Variants in ITGA10 observed in about 807,000 individuals in gnomAD.
ITGA10 encodes integrin alpha-10.
Under a neutral mutation model 145.2 loss-of-function variants are expected in ITGA10, and 105 were observed. The ratio of observed to expected loss-of-function variants is 0.72; its 90% CI spans 0.62 to 0.85. The LOEUF is 0.85. Ranked by LOEUF, ITGA10 falls within the 40% of genes least tolerant of loss-of-function variation. ITGA10 has a pLI of 0.00. For synonymous variants in ITGA10, 506 were observed against 557.8 expected (o/e 0.91, Z 1.31); for missense variants, 1,317 against 1,444.5 (o/e 0.91, Z 1.43).
At chr1:145,895,596 C>T (rs1553744631) in intron 26 of ITGA10, 35 bp downstream of exon 26, 1 of 1,601,888 alleles carries the variant, frequency 6.2e-7, no homozygotes, top group South Asian at 1.1e-5. Flanking sequence ...ACTCCACTTG[C>T]ATTCCCACTC....
intron 1 of ITGA10, among the ~76,000 whole-genome samples, chr1:145,909,181 T>G (rs587624956): frequency 1.0e-3 from 153 of 151,194 alleles, no homozygotes; most frequent in African/African-American, 3.5e-3. Flanking sequence ...ACGCCTATAG[T>G]CCCAGCTACT....
chr1:145,903,081 GCACTTCCCTGAGGT>G (rs2101809849), intron 7 of ITGA10, 120 bp from the exon 8 acceptor site: 1 of 945,070 alleles, frequency 1.1e-6, no homozygotes, highest in South Asian at 1.9e-5. Context: ...TTTAACATCA[GCACTTCCCTGAGGT>G]CAGGCATCTT....
rs1553743961 is a variant in ITGA10 at position 145,893,603 on chromosome 1, G to T, written c.3261C>A (p.Thr1087=). ...TGCCCTCTTCGGTTCCCAGCTCAAAGGTGCTGACCACCGTCAGGGACTTGA... is the reference window on the plus strand; with the variant it reads ...TGCCCTCTTCGGTTCCCAGCTCAAATGTGCTGACCACCGTCAGGGACTTGA... The part of the protein sequence containing the change: ...AKFKSLTVVS[T]FELGTEEGSV... The change falls in exon 28 of 30, where the codon ACC becomes ACA. Residue 1087 remains threonine, a synonymous_variant. Coordinates refer to ENST00000369304, the MANE Select transcript of ITGA10 (RefSeq NM_003637.5). 1.9e-6 allele frequency: 3 copies of T among 1,613,410 alleles called. No individual in the cohort carries two copies. The Middle Eastern group carries it at 4.9e-4, about 266-fold the overall frequency.
In ITGA10 at chr1:145,893,215, GC is replaced by G. The variant is rs1654933924; in HGVS notation, c.3383del (p.Gly1128AlafsTer47). On this transcript the variant is annotated frameshift_variant, in exon 29 of 30. Transcript: ENST00000369304. LOFTEE classifies it high-confidence loss of function. ...PILISLWILI[G>X]SVLGGLLLLA... ...GCAGGAGCAACCCTCCCAGGACACTGCCTATGAGGATCCACAGGGAGATGAG... is the reference window on the plus strand; with the variant it reads ...GCAGGAGCAACCCTCCCAGGACACTGCTATGAGGATCCACAGGGAGATGAG... 1 of 1,614,152 alleles carries G rather than the reference GC, an allele frequency of 6.2e-7. No individual in the cohort carries two copies. The highest frequency in any genetic ancestry group is 8.5e-7 in the Non-Finnish European group (1 of 1,180,014).
Position 145,902,881 on chromosome 1 carries a change from T to G in ITGA10, c.839A>C (p.His280Pro). 2.5e-6 allele frequency: 4 copies of G among 1,614,014 alleles called. No homozygotes were observed. The highest frequency in any genetic ancestry group is 3.4e-6 in the Non-Finnish European group (4 of 1,179,974). The change falls in exon 8 of 30, where the codon CAT (histidine) becomes CCT (proline). Residue 280 changes from histidine (H) to proline (P), a missense_variant. Physicochemically the swap from His to Pro is moderately conservative, Grantham distance 77. Coordinates refer to ENST00000369304, the MANE Select transcript of ITGA10 (RefSeq NM_003637.5). Reference protein sequence around the residue: ...LLVVVTDGESHDGEELPAALK... With the variant: ...LLVVVTDGESPDGEELPAALK... ...TGCTGCAGGAAGCTCCTCTCCATCATGGGACTCTCCATCAGTGACAACCAC... is the reference window on the plus strand; with the variant it reads ...TGCTGCAGGAAGCTCCTCTCCATCAGGGGACTCTCCATCAGTGACAACCAC...
chr1:145,904,856 G>A (rs782647490), intron 5 of ITGA10, 45 bp from the exon 6 acceptor site: 18 of 1,593,594 alleles, frequency 1.1e-5, no homozygotes, highest in African/African-American at 6.7e-5. Flanking sequence ...TGAGCTGGGG[G>A]CAACAAGGGA....
Position 145,901,965 on chromosome 1 carries a change from C to T in ITGA10, c.1206G>A (p.Trp402Ter). Residue 402 changes from tryptophan (W) to a stop codon, truncating the protein, a stop_gained, in exon 11 of 30, where the codon TGG becomes TGA. Coordinates refer to ENST00000369304, the MANE Select transcript of ITGA10 (RefSeq NM_003637.5). LOFTEE classifies it high-confidence loss of function. The surrounding 1 kb of genome is among the most constrained non-coding windows in gnomAD (Gnocchi z 4.3). ...GGAAAAGGCGGTGGCCTCCTTCAAG[C>T]CATAGCACAGAGCCTCCCCAGTCAT... ...GAYDWGGSVLWLEGGHRLFPP... is the reference protein window; with the variant it reads ...GAYDWGGSVL 1 of 1,614,148 alleles carries T rather than the reference C, an allele frequency of 6.2e-7. No individual in the cohort carries two copies. The highest frequency in any genetic ancestry group is 8.5e-7 in the Non-Finnish European group (1 of 1,180,030).
At chr1:145,897,369 G>A (rs34563485) in intron 20 of ITGA10, 30 bp from the exon 21 acceptor site, 1 of 1,611,448 alleles carries the variant, frequency 6.2e-7, no homozygotes, top group Admixed American at 1.7e-5. Context: ...GATAGAAGCT[G>A]GAGCTGGGGC....
At chr1:145,909,307 A>C (rs1324818589) in intron 1 of ITGA10, among the ~76,000 whole-genome samples, 2 of 151,212 alleles carry the variant, frequency 1.3e-5, no homozygotes, top group Non-Finnish European at 2.9e-5. Flanking sequence ...TTCAAAAAAA[A>C]AAATTAGCTG....
intron 28 of ITGA10, 114 bp downstream of exon 28, chr1:145,893,426 T>G: frequency 1.0e-6 from 1 of 962,164 alleles, no homozygotes. Context: ...AGTGGAACAC[T>G]AGGATCCTGC....
intron 6 of ITGA10, 107 bp from the exon 7 acceptor site, chr1:145,904,307 A>C: frequency 9.6e-7 from 1 of 1,037,148 alleles, no homozygotes; most frequent in Non-Finnish European, 1.5e-6. Context: ...ATACTACTGA[A>C]GACAACACCT....
At chr1:145,906,598 G>T in intron 4 of ITGA10, 90 bp from the exon 5 acceptor site, 3 of 1,308,620 alleles carry the variant, frequency 2.3e-6, no homozygotes, top group Non-Finnish European at 3.3e-6. Context: ...ACTACTCCCT[G>T]ACATTACCTA....
In ITGA10 at chr1:145,895,375, A is replaced by G; in HGVS notation, c.3133T>C (p.Cys1045Arg). Residue 1045 changes from cysteine (C) to arginine (R), a missense_variant, in exon 27 of 30, where the codon TGT becomes CGT. Cys to Arg is a radical substitution (Grantham distance 180, BLOSUM62 -3). Coordinates refer to ENST00000369304, the MANE Select transcript of ITGA10 (RefSeq NM_003637.5). ...CCAAGGTGGCACCTCACCACCTGACACTGAGTATTGCTCCCATTCTAACAG... is the reference window on the plus strand; with the variant it reads ...CCAAGGTGGCACCTCACCACCTGACGCTGAGTATTGCTCCCATTCTAACAG... ...TNRLNGSNTQCQVVRCHLGQL... is the reference protein window; with the variant it reads ...TNRLNGSNTQRQVVRCHLGQL... 1 of 1,613,656 alleles carries G rather than the reference A, an allele frequency of 6.2e-7. No individual in the cohort carries two copies. The highest frequency in any genetic ancestry group is 8.5e-7 in the Non-Finnish European group (1 of 1,179,582).
intron 28 of ITGA10, 89 bp from the exon 29 acceptor site, chr1:145,893,363 A>T (rs587656885): frequency 2.9e-6 from 3 of 1,049,060 alleles, no homozygotes; most frequent in East Asian, 4.8e-5. Flanking sequence ...CCCCAAATAG[A>T]ATAAATAACC....
intron 7 of ITGA10, 67 bp downstream of exon 7, chr1:145,903,985 G>C: frequency 6.3e-7 from 1 of 1,579,490 alleles, no homozygotes; most frequent in Non-Finnish European, 8.7e-7. Context: ...ACCATGCCTG[G>C]CCCCGCCCTA....
Position 145,909,494 on chromosome 1 carries a change from ATATAATT to A in ITGA10, c.52+462_52+468del, listed in dbSNP as rs1224844098. Among the ~76,000 whole-genome samples, 358 of 102,800 alleles carry A rather than the reference ATATAATT, an allele frequency of 3.5e-3. 6 individuals carry two copies. Among genetic ancestry groups the A allele is most frequent in the African/African-American group, 0.022 (342 of 15,368 alleles). 67.4% of individuals were successfully genotyped at this position (102,800 alleles called of 152,430 possible). ...ATATTATATGTATATTATATATAATATATAATTATGTTATATATTATATGTATATTAT... is the reference window on the plus strand; with the variant it reads ...ATATTATATGTATATTATATATAATAATGTTATATATTATATGTATATTAT... On this transcript the variant is annotated intron_variant, in intron 1 of 29. Transcript: ENST00000369304.
chr1:145,899,294 T>G lies in ITGA10; in HGVS notation c.1970A>C (p.Gln657Pro), dbSNP rs782730653. The G allele has an allele frequency of 7.4e-6, 12 of 1,614,186 alleles. No homozygotes were observed. The highest frequency in any genetic ancestry group is 8.5e-6 in the Non-Finnish European group (10 of 1,180,014). The change falls in exon 16 of 30, where the codon CAG becomes CCG. Residue 657 changes from glutamine to proline, a missense_variant. Physicochemically the swap from Gln to Pro is moderately conservative, Grantham distance 76 (BLOSUM62 -1). Transcript: ENST00000369304. ...GTCCCTCTGAACCACACTGATGGCC[T>G]GTGGGGTCACCTCCAGTGATGGGGT... ...HLTPSLEVTPQAISVVQRDCR... is the reference protein window; with the variant it reads ...HLTPSLEVTPPAISVVQRDCR...
In ITGA10 at chr1:145,896,167, T is replaced by C. The variant is rs1435203273; in HGVS notation, c.2920-71A>G. 43 of 1,483,896 alleles carry C rather than the reference T, an allele frequency of 2.9e-5. No homozygotes were observed. The South Asian group carries it at 4.6e-4, about 16-fold the overall frequency. The allele number at this position is 1,483,896 out of a possible 1,614,324, so 91.9% of individuals were successfully genotyped here. On this transcript the variant is annotated intron_variant, in intron 24 of 29. Transcript: ENST00000369304. ...CTTCCTCATTTGTTCCCCTTCACCC[T>C]AGATACCATTAAAATCCAAGAGAGA...
At position 145,900,850 on chromosome 1, in the gene ITGA10, G is replaced by A; in HGVS notation, c.1731C>T (p.His577=). The A allele has an allele frequency of 6.2e-7, 1 of 1,614,016 alleles. No homozygotes were observed. The change falls in exon 14 of 30, where the codon CAC becomes CAT. Residue 577 remains histidine, a synonymous_variant. Coordinates refer to ENST00000369304, the MANE Select transcript of ITGA10 (RefSeq NM_003637.5). ...CATGGTACAGGTACAGTGCTCCCTG[G>A]TGCCCATCTTCCAGAGGCGCCCCCA... is the stretch of plus-strand genomic sequence containing the variant. The part of the protein sequence containing the change: ...VAVGAPLEDG[H]QGALYLYHGT...
Sources: allele counts gnomAD v4.1 joint callset (sites outside exome capture counted in the v4.1 genomes callset), GRCh38; gene constraint gnomAD v4.1.1; non-coding constraint Gnocchi (gnomAD v3.1); transcripts MANE v1.5; gene names NCBI Gene and HGNC (gene_info 2026-07-23, HGNC 2026-07-21).